RSPO4: variants seen among roughly 807,000 people sequenced by gnomAD.
The protein encoded by RSPO4 is R-spondin-4.
In RSPO4, 23 loss-of-function variants were observed where a neutral mutation model predicts 24.8. The ratio of observed to expected loss-of-function variants is 0.93; its 90% CI spans 0.67 to 1.31. The LOEUF (loss-of-function observed/expected upper bound fraction) is 1.31, where lower values mean the gene tolerates loss of function less well. RSPO4 is among the 40% of genes most tolerant of loss of function. The pLI is 0.00. For synonymous variants in RSPO4, 141 were observed against 127.4 expected (o/e 1.11, Z -0.72); for missense variants, 333 against 316.5 (o/e 1.05, Z -0.39).
intron 1 of RSPO4, among the ~76,000 whole-genome samples, chr20:974,671 ATG>A (rs1371658401): frequency 6.6e-6 from 1 of 152,098 alleles, no homozygotes; most frequent in African/African-American, 2.4e-5. Context: ...GTGTGTGGAG[ATG>A]TGTGTGTTTT....
chr20:988,427 G>A (rs1298916985), intron 1 of RSPO4, among the ~76,000 whole-genome samples: 2 of 152,196 alleles, frequency 1.3e-5, no homozygotes, highest in Admixed American at 1.3e-4. Context: ...TGAGAAGTGG[G>A]TGGATCCAGG....
intron 1 of RSPO4, among the ~76,000 whole-genome samples, chr20:984,015 C>G (rs1984822232): frequency 6.6e-6 from 1 of 152,106 alleles, no homozygotes; most frequent in Admixed American, 6.5e-5. Context: ...TAAATACCCT[C>G]CTCACCTTAC....
At chr20:993,364 G>A (rs572897877) in intron 1 of RSPO4, among the ~76,000 whole-genome samples, 2 of 152,374 alleles carry the variant, frequency 1.3e-5, no homozygotes, top group South Asian at 4.1e-4. Flanking sequence ...ATGGGAAGCA[G>A]ACCATTCCCG....
intron 1 of RSPO4, among the ~76,000 whole-genome samples, chr20:997,902 C>G (rs1242613922): frequency 6.6e-6 from 1 of 152,214 alleles, no homozygotes; most frequent in Non-Finnish European, 1.5e-5. Context: ...AGACCCCACT[C>G]CCTTCCGGTC....
At chr20:989,532 G>C (rs995177689) in intron 1 of RSPO4, among the ~76,000 whole-genome samples, 1 of 152,156 alleles carries the variant, frequency 6.6e-6, no homozygotes, top group African/African-American at 2.4e-5. Context: ...ATGCCAGTAG[G>C]GAGGAGTTGA....
chr20:990,478 CTTCT>C (rs1362902606), intron 1 of RSPO4, among the ~76,000 whole-genome samples: 4 of 151,132 alleles, frequency 2.6e-5, no homozygotes, highest in African/African-American at 9.8e-5. Context: ...TCCTTCCTTC[CTTCT>C]TTCCTTCCTT....
intron 1 of RSPO4, among the ~76,000 whole-genome samples, chr20:973,927 C>T (rs966024646): frequency 2.0e-5 from 3 of 152,118 alleles, no homozygotes; most frequent in African/African-American, 7.2e-5. Flanking sequence ...TGTAATGGCA[C>T]CTCTTGCTTT....
At chr20:988,881 G>T (rs898525002) in intron 1 of RSPO4, among the ~76,000 whole-genome samples, 1 of 152,170 alleles carries the variant, frequency 6.6e-6, no homozygotes. Flanking sequence ...CCTAGACCTA[G>T]AATCCCATGA....
rs1984374963 is a variant in RSPO4, at chr20:970,552, G to A, written c.80-2414C>T. On this transcript the variant is annotated intron_variant, in intron 1 of 4. Transcript: ENST00000217260. The surrounding 1 kb of genome is among the most constrained non-coding windows in gnomAD (Gnocchi z 4.1). ...ACAGGAGAGCAGAATAAAGATTTTTGTGCCTCTGGAGCTGTATACCTGGCA... is the reference window on the plus strand; with the variant it reads ...ACAGGAGAGCAGAATAAAGATTTTTATGCCTCTGGAGCTGTATACCTGGCA... 1.3e-5 allele frequency among the ~76,000 whole-genome samples: 2 copies of A among 152,072 alleles called. No homozygotes were observed. The highest frequency in any genetic ancestry group is 2.9e-5 in the Non-Finnish European group (2 of 68,014).
intron 1 of RSPO4, among the ~76,000 whole-genome samples, chr20:972,536 C>G (rs964586312): frequency 2.0e-5 from 3 of 152,206 alleles, no homozygotes; most frequent in Admixed American, 6.5e-5. Flanking sequence ...TTCCCTTATG[C>G]CTGCAGGAGT....
In RSPO4 at chr20:970,428, G is replaced by A. The variant is rs990194697; in HGVS notation, c.80-2290C>T. ...TCAGGAGGCTTACTGATCCAGGGTC[G>A]TACGGAAGCACACAGTAACTAAAGT... is the stretch of plus-strand genomic sequence containing the variant. On this transcript the variant is annotated intron_variant, in intron 1 of 4. Coordinates refer to ENST00000217260, the MANE Select transcript of RSPO4 (RefSeq NM_001029871.4). This position sits in a 1 kb window ranked among gnomAD's most constrained non-coding sequence, Gnocchi z 4.1. Among the ~76,000 whole-genome samples, 4 of 152,052 alleles carry A rather than the reference G, an allele frequency of 2.6e-5. No individual in the cohort carries two copies. Among genetic ancestry groups the A allele is most frequent in the Non-Finnish European group, 4.4e-5 (3 of 68,016 alleles).
intron 3 of RSPO4, among the ~76,000 whole-genome samples, chr20:964,368 G>T (rs79929823): frequency 6.6e-6 from 1 of 152,164 alleles, no homozygotes; most frequent in African/African-American, 2.4e-5. Flanking sequence ...GCTTCCTGGA[G>T]GAGGTGATGT....
At chr20:992,631 G>T (rs2122266889) in intron 1 of RSPO4, among the ~76,000 whole-genome samples, 2 of 152,220 alleles carry the variant, frequency 1.3e-5, no homozygotes, top group Middle Eastern at 6.8e-3. Flanking sequence ...ATATGAGGTA[G>T]ATGCTCTTAT....
At chr20:963,470 G>A (rs773748262) in intron 4 of RSPO4, among the ~76,000 whole-genome samples, 1 of 152,132 alleles carries the variant, frequency 6.6e-6, no homozygotes, top group Non-Finnish European at 1.5e-5. Flanking sequence ...GACCACGGCC[G>A]CGGTCCTCAC....
Position 967,118 on chromosome 20 carries a change from C to T in RSPO4, c.409+56G>A, listed in dbSNP as rs1185356578. 5 of 1,557,558 alleles carry T rather than the reference C, an allele frequency of 3.2e-6. No individual in the cohort carries two copies. In the Admixed American group the frequency reaches 8.5e-5, roughly 27 times the overall value. ...AGGGCCCCTAACATCTCTCACCAAG[C>T]CCCCGCTCCAGGGAGAGGGGAGGGG... On this transcript the variant is annotated intron_variant, in intron 3 of 4. Coordinates refer to ENST00000217260, the MANE Select transcript of RSPO4 (RefSeq NM_001029871.4).
At chr20:968,316 G>A (rs879509208) in intron 1 of RSPO4, among the ~76,000 whole-genome samples, 178 bp from the exon 2 acceptor site, 1 of 152,226 alleles carries the variant, frequency 6.6e-6, no homozygotes, top group Admixed American at 6.5e-5. Context: ...CCAACATCTG[G>A]CCAATCAGAT....
chr20:977,301 T>C (rs893337162), intron 1 of RSPO4, among the ~76,000 whole-genome samples: 21 of 152,244 alleles, frequency 1.4e-4, no homozygotes, highest in African/African-American at 4.1e-4. Flanking sequence ...CTTTGAGAAC[T>C]ACTAGTGTGG....
intron 1 of RSPO4, among the ~76,000 whole-genome samples, chr20:979,484 C>A (rs895379399): frequency 6.6e-6 from 1 of 152,164 alleles, no homozygotes; most frequent in East Asian, 1.9e-4. Context: ...TTATTTGCTG[C>A]GGGTTTCACT....
chr20:979,241 TC>T (rs1200276389), intron 1 of RSPO4, among the ~76,000 whole-genome samples: 1 of 152,116 alleles, frequency 6.6e-6, no homozygotes, highest in Non-Finnish European at 1.5e-5. Flanking sequence ...TCCTCCATGT[TC>T]CCCATCTGCC....
Sources: allele counts gnomAD v4.1 joint callset (sites outside exome capture counted in the v4.1 genomes callset), GRCh38; gene constraint gnomAD v4.1.1; non-coding constraint Gnocchi (gnomAD v3.1); transcripts MANE v1.5; gene names NCBI Gene and HGNC (gene_info 2026-07-23, HGNC 2026-07-21).